Variants in VPS13D observed in about 807,000 individuals in gnomAD.
VPS13D encodes the protein intermembrane lipid transfer protein VPS13D.
Under a neutral mutation model 461.9 loss-of-function variants are expected in VPS13D, and 187 were observed. The observed-to-expected ratio is 0.40, with a 90% CI of 0.36 to 0.46. The LOEUF is 0.46. VPS13D is among the 20% of genes least tolerant of loss of function. VPS13D has a pLI of 0.60. For missense variants in VPS13D, 4,711 were observed against 5,364.9 expected (o/e 0.88, Z 3.81); for synonymous variants, 1,951 against 1,986.3 (o/e 0.98, Z 0.47).
intron 40 of VPS13D, among the ~76,000 whole-genome samples, chr1:12,341,477 G>A (rs527908149): frequency 6.6e-6 from 1 of 152,140 alleles, no homozygotes; most frequent in Non-Finnish European, 1.5e-5. Context: ...GCAGCACTGG[G>A]GAGGTCCATT....
intron 16 of VPS13D, among the ~76,000 whole-genome samples, chr1:12,270,692 C>G (rs778144113): frequency 6.6e-6 from 1 of 152,064 alleles, no homozygotes; most frequent in Non-Finnish European, 1.5e-5. Flanking sequence ...CCAGGTCATA[C>G]TGGAGTAAGA....
chr1:12,450,178 A>T (rs911326564), intron 65 of VPS13D, among the ~76,000 whole-genome samples: 1 of 152,226 alleles, frequency 6.6e-6, no homozygotes, highest in Non-Finnish European at 1.5e-5. Context: ...GCAGATGGAT[A>T]AACTGAGGTT....
At chr1:12,383,560 G>A (rs1037490800) in intron 58 of VPS13D, among the ~76,000 whole-genome samples, 2 of 152,146 alleles carry the variant, frequency 1.3e-5, no homozygotes, top group African/African-American at 2.4e-5. Context: ...TGTATGGAAA[G>A]GATTTGTATT....
chr1:12,415,756 T>G (rs1210193305), intron 64 of VPS13D, among the ~76,000 whole-genome samples: 1 of 152,230 alleles, frequency 6.6e-6, no homozygotes, highest in African/African-American at 2.4e-5. Flanking sequence ...ATATATTTTA[T>G]TCTCACTTCC....
Position 12,299,497 on chromosome 1 carries a change from T to A in VPS13D, c.6216+113T>A. The A allele has an allele frequency of 7.9e-7, 1 of 1,259,654 alleles. No individual in the cohort carries two copies. Among genetic ancestry groups the A allele is most frequent in the Non-Finnish European group, 1.1e-6 (1 of 940,894 alleles). 78.0% of individuals were successfully genotyped at this position (1,259,654 alleles called of 1,614,324 possible). ...TAATTGCTATTACTTTTGTAGGGTA[T>A]GTGGCTTGAAGAATTTTTTTTGGCA... On this transcript the variant is annotated intron_variant, in intron 25 of 69. Coordinates refer to ENST00000620676, the MANE Select transcript of VPS13D (RefSeq NM_015378.4). This position sits in a 1 kb window ranked among gnomAD's most constrained non-coding sequence, Gnocchi z 4.2.
chr1:12,464,187 C>A (rs1179856825), intron 67 of VPS13D, among the ~76,000 whole-genome samples: 1 of 152,088 alleles, frequency 6.6e-6, no homozygotes, highest in Non-Finnish European at 1.5e-5. Context: ...GAACAGGATC[C>A]AGGGGTGTTA....
chr1:12,320,906 C>T (rs1442859404), intron 32 of VPS13D, among the ~76,000 whole-genome samples: 1 of 152,192 alleles, frequency 6.6e-6, no homozygotes, highest in Non-Finnish European at 1.5e-5. Context: ...GATAAATCAT[C>T]AGGGGAGAAT....
intron 63 of VPS13D, among the ~76,000 whole-genome samples, chr1:12,405,966 CA>C (rs1382658116): frequency 6.6e-6 from 1 of 152,228 alleles, no homozygotes; most frequent in Non-Finnish European, 1.5e-5. Flanking sequence ...CAGCCCCCCC[CA>C]GTTACATGAT....
rs771960591 is a variant in VPS13D at position 12,368,642 on chromosome 1, G to A, written c.10572+51G>A. On this transcript the variant is annotated intron_variant, in intron 53 of 69. Transcript: ENST00000620676. ...TTGACTGTTTCATGTGTGGGAGGGT[G>A]GAGTGTGTACTGCCCTTGACACAAT... 5 of 1,589,496 alleles carry A rather than the reference G, an allele frequency of 3.1e-6. No homozygotes were observed. In the South Asian group the frequency reaches 4.6e-5, roughly 15 times the overall value.
Position 12,329,890 on chromosome 1 carries a change from T to C in VPS13D, c.8259T>C (p.Ser2753=). The C allele has an allele frequency of 6.2e-7, 1 of 1,614,030 alleles. No homozygotes were observed. The highest frequency in any genetic ancestry group is 8.5e-7 in the Non-Finnish European group (1 of 1,179,978). ...SPEGYAHFTL[S]GDYYNRALSG... ...AAGGCTATGCCCACTTCACCCTTTC[T>C]GGAGATTATTATAACCGTGCTCTTT... The change falls in exon 37 of 70, where the codon TCT becomes TCC. Residue 2753 remains serine, a synonymous_variant. Transcript: ENST00000620676.
intron 67 of VPS13D, among the ~76,000 whole-genome samples, chr1:12,496,654 A>G (rs1434993534): frequency 1.3e-5 from 2 of 152,242 alleles, no homozygotes; most frequent in Non-Finnish European, 2.9e-5. Flanking sequence ...CATCTGAAAT[A>G]TGCACAGCCT....
At chr1:12,257,136 T>C in intron 9 of VPS13D, 49 bp downstream of exon 9, 1 of 1,521,274 alleles carries the variant, frequency 6.6e-7, no homozygotes, top group South Asian at 1.1e-5. Flanking sequence ...AGCCTGTTCT[T>C]GCTATGTACA....
chr1:12,255,345 A>T (rs1026818625), intron 7 of VPS13D, among the ~76,000 whole-genome samples: 2 of 152,226 alleles, frequency 1.3e-5, no homozygotes, highest in African/African-American at 4.8e-5. Flanking sequence ...TGAGTATGTA[A>T]CAGTCTCTAA....
At chr1:12,294,243 T>G (rs1642211056) in intron 24 of VPS13D, among the ~76,000 whole-genome samples, 1 of 152,250 alleles carries the variant, frequency 6.6e-6, no homozygotes, top group South Asian at 2.1e-4. Context: ...ATTTAATTCT[T>G]AAGTAACCAC....
At chr1:12,455,008 G>A (rs746964726) in intron 65 of VPS13D, among the ~76,000 whole-genome samples, 2 of 152,224 alleles carry the variant, frequency 1.3e-5, no homozygotes, top group Non-Finnish European at 2.9e-5. Context: ...ACAAAACAGA[G>A]TTTTATGTCC....
intron 65 of VPS13D, 65 bp from the exon 66 acceptor site, chr1:12,455,933 T>G (rs1645320756): frequency 1.3e-6 from 2 of 1,515,576 alleles, no homozygotes; most frequent in Non-Finnish European, 1.8e-6. Flanking sequence ...TTATTTAAAG[T>G]AATTCAAATA....
chr1:12,356,098 C>G lies in VPS13D; in HGVS notation c.9871+8C>G, dbSNP rs759074728. On this transcript the variant is annotated splice_region_variant and intron_variant, in intron 48 of 69. Transcript: ENST00000620676. ...GGCTGATTAACAAAACAGGTACATA[C>G]AGGGGCTGCTCAAGTAGGTCTTTGG... The G allele has an allele frequency of 1.8e-5, 28 of 1,594,664 alleles. No individual in the cohort carries two copies. The African/African-American group carries it at 3.8e-4, about 21-fold the overall frequency.
intron 52 of VPS13D, 69 bp from the exon 53 acceptor site, chr1:12,368,399 T>G: frequency 2.8e-5 from 43 of 1,515,260 alleles, no homozygotes; most frequent in Non-Finnish European, 3.6e-5. Flanking sequence ...GTCAGAAATA[T>G]GAGAAGTAAG....
chr1:12,493,457 T>C (rs1645914299), intron 67 of VPS13D, among the ~76,000 whole-genome samples: 1 of 137,230 alleles, frequency 7.3e-6, no homozygotes, highest in South Asian at 2.3e-4. Flanking sequence ...CACTCCAGCC[T>C]GGGTGACAGA....
Sources: gnomAD v4.1 joint callset for allele counts (sites outside exome capture counted in the v4.1 genomes callset) on GRCh38, gnomAD v4.1.1 for gene constraint, Gnocchi (gnomAD v3.1) non-coding constraint, MANE v1.5 for transcripts, NCBI Gene and HGNC (gene_info 2026-07-23, HGNC 2026-07-21) for gene names.